SYN3: variants seen among roughly 807,000 people sequenced by gnomAD.
SYN3 encodes the protein synapsin-3.
In SYN3, 35 loss-of-function variants were observed where a neutral mutation model predicts 65.8. That is an observed-to-expected ratio of 0.53 (90% CI 0.41 to 0.70). SYN3 has a LOEUF of 0.70. Among genes scored for constraint, SYN3 ranks in the 30% least tolerant of loss-of-function variants. SYN3 has a pLI of 0.00. For missense variants in SYN3, 680 were observed against 749.0 expected (o/e 0.91, Z 1.08); for synonymous variants, 270 against 292.9 (o/e 0.92, Z 0.80).
chr22:32,766,425 A>C lies in SYN3; in HGVS notation c.711+98490T>G, dbSNP rs1220991679. ...ACCTGTTCAATCAGCGTGATACAGC[A>C]GTTCTGCAAGGTCACTGCTGTTGCC... On this transcript the variant is annotated intron_variant, in intron 6 of 13. Transcript: ENST00000358763. 2.0e-5 allele frequency among the ~76,000 whole-genome samples: 3 copies of C among 152,234 alleles called. No homozygotes were observed. The East Asian group carries it at 5.8e-4, about 29-fold the overall frequency.
intron 3 of SYN3, among the ~76,000 whole-genome samples, chr22:32,973,084 CA>C (rs762703383): frequency 6.6e-6 from 1 of 152,194 alleles, no homozygotes; most frequent in Non-Finnish European, 1.5e-5. Context: ...ACAATAGTGA[CA>C]GTGACAAACA....
At chr22:32,561,293 G>T (rs1247991490) in intron 7 of SYN3, among the ~76,000 whole-genome samples, 4 of 152,202 alleles carry the variant, frequency 2.6e-5, no homozygotes. Context: ...ACTTCACTGA[G>T]ACACTCATCA....
chr22:32,927,833 G>T (rs192694978), intron 4 of SYN3, among the ~76,000 whole-genome samples: 53 of 151,916 alleles, frequency 3.5e-4, no homozygotes, highest in South Asian at 6.2e-4. Flanking sequence ...TTTTTATTTT[G>T]CCATCATTCA....
chr22:32,840,737 G>T (rs908429756), intron 6 of SYN3, among the ~76,000 whole-genome samples: 33 of 152,124 alleles, frequency 2.2e-4, no homozygotes, highest in African/African-American at 7.5e-4. Context: ...CTGAGGCTCA[G>T]ATCTGATGCC....
At chr22:32,675,287 C>G (rs2060424040) in intron 6 of SYN3, among the ~76,000 whole-genome samples, 1 of 152,146 alleles carries the variant, frequency 6.6e-6, no homozygotes, top group Non-Finnish European at 1.5e-5. Flanking sequence ...ATATATCTTC[C>G]AGACCTGACA....
At chr22:32,807,362 AATATATATTATATAT>A (rs1471828656) in intron 6 of SYN3, among the ~76,000 whole-genome samples, 924 of 4,962 alleles carry the variant, frequency 0.19, 25 homozygotes, top group African/African-American at 0.45. Flanking sequence ...TATAATATAT[AATATATATTATATAT>A]AATATATATT....
chr22:32,588,463 T>C (rs917789726), intron 7 of SYN3, among the ~76,000 whole-genome samples: 2 of 152,248 alleles, frequency 1.3e-5, no homozygotes, highest in Non-Finnish European at 1.5e-5. Flanking sequence ...TTTTTGTCTA[T>C]TGTAACTGCT....
At chr22:32,596,382 C>G (rs925705974) in intron 7 of SYN3, among the ~76,000 whole-genome samples, 41 of 152,136 alleles carry the variant, frequency 2.7e-4, no homozygotes, top group African/African-American at 9.9e-4. Context: ...TAATTACGCT[C>G]AATAAAATGC....
chr22:32,989,706 G>A (rs1245700188), intron 2 of SYN3, among the ~76,000 whole-genome samples: 1 of 151,816 alleles, frequency 6.6e-6, no homozygotes, highest in Non-Finnish European at 1.5e-5. Context: ...ATGGTGGCAT[G>A]CGCCTGTAAT....
At chr22:32,632,978 T>A (rs2059766769) in intron 6 of SYN3, among the ~76,000 whole-genome samples, 1 of 152,236 alleles carries the variant, frequency 6.6e-6, no homozygotes, top group Non-Finnish European at 1.5e-5. Context: ...GTCAAGCGTG[T>A]TCATTCCGAA....
At chr22:32,659,367 T>C (rs2060185662) in intron 6 of SYN3, among the ~76,000 whole-genome samples, 1 of 152,244 alleles carries the variant, frequency 6.6e-6, no homozygotes, top group African/African-American at 2.4e-5. Flanking sequence ...TATTGTTACA[T>C]GTAAGCCAGA....
chr22:32,577,534 G>A (rs1427373398), intron 7 of SYN3, among the ~76,000 whole-genome samples: 1 of 152,194 alleles, frequency 6.6e-6, no homozygotes, highest in Non-Finnish European at 1.5e-5. Context: ...TTTGATAAAT[G>A]AAAATATCAT....
intron 6 of SYN3, among the ~76,000 whole-genome samples, chr22:32,639,866 G>A (rs1569114466): frequency 6.6e-6 from 1 of 152,162 alleles, no homozygotes; most frequent in Non-Finnish European, 1.5e-5. Flanking sequence ...GAGTGCTGTT[G>A]TCAGAATCTG....
At chr22:32,720,257 C>G (rs2061097974) in intron 6 of SYN3, among the ~76,000 whole-genome samples, 2 of 152,180 alleles carry the variant, frequency 1.3e-5, no homozygotes, top group African/African-American at 2.4e-5. Context: ...GGTTTGTCTT[C>G]TGGTTTGGTC....
At chr22:32,604,851 A>T (rs2059346709) in intron 6 of SYN3, among the ~76,000 whole-genome samples, 1 of 127,234 alleles carries the variant, frequency 7.9e-6, no homozygotes. Flanking sequence ...TAAAAATGCA[A>T]AAAAATTAGC....
At chr22:32,609,384 T>C (rs1320435582) in intron 6 of SYN3, among the ~76,000 whole-genome samples, 2 of 151,998 alleles carry the variant, frequency 1.3e-5, no homozygotes, top group East Asian at 3.8e-4. Context: ...ATAATGAATT[T>C]GTCTGATATT....
chr22:32,684,730 G>A (rs1169624468), intron 6 of SYN3, among the ~76,000 whole-genome samples: 1 of 152,130 alleles, frequency 6.6e-6, no homozygotes, highest in African/African-American at 2.4e-5. Flanking sequence ...ACTGCTACAC[G>A]TTCATGAAAA....
intron 1 of SYN3, among the ~76,000 whole-genome samples, chr22:33,008,332 A>G (rs2053250545): frequency 6.6e-6 from 1 of 152,170 alleles, no homozygotes; most frequent in Admixed American, 6.5e-5. Flanking sequence ...TACTGGTATA[A>G]TGTTTATTAT....
At chr22:32,564,181 A>G (rs1341407517) in intron 7 of SYN3, among the ~76,000 whole-genome samples, 1 of 152,196 alleles carries the variant, frequency 6.6e-6, no homozygotes, top group Non-Finnish European at 1.5e-5. Flanking sequence ...ACAGGACTCA[A>G]TCATGGAGTG....
Sources: gnomAD v4.1 joint callset for allele counts (sites outside exome capture counted in the v4.1 genomes callset) on GRCh38, gnomAD v4.1.1 for gene constraint, MANE v1.5 for transcripts, NCBI Gene and HGNC (gene_info 2026-07-23, HGNC 2026-07-21) for gene names.